The following SNTB1 variants were observed in gnomAD, a reference collection of about 807,000 sequenced individuals.
SNTB1 encodes syntrophin beta 1, also known as beta-1-syntrophin.
Under a neutral mutation model 48.9 loss-of-function variants are expected in SNTB1, and 36 were observed. That is an observed-to-expected ratio of 0.74 (90% confidence interval 0.56 to 0.97). SNTB1 has a LOEUF of 0.97. SNTB1 is among the 50% of genes least tolerant of loss of function. The pLI is 0.00. For missense variants in SNTB1, 786 were observed against 703.4 expected (o/e 1.12, Z -1.33); for synonymous variants, 299 against 294.6 (o/e 1.01, Z -0.15).
chr8:120,748,142 G>T (rs1185817044), intron 1 of SNTB1, among the ~76,000 whole-genome samples: 1 of 152,076 alleles, frequency 6.6e-6, no homozygotes, highest in East Asian at 1.9e-4. Context: ...GTGCAACCAG[G>T]CATCCTCTCA....
chr8:120,740,519 A>C (rs1181926322), intron 1 of SNTB1, among the ~76,000 whole-genome samples: 1 of 152,206 alleles, frequency 6.6e-6, no homozygotes, highest in African/African-American at 2.4e-5. Flanking sequence ...TACAGCAAAC[A>C]ATCAACACAA....
In SNTB1 at chr8:120,693,753, T is replaced by C. The variant is rs76071365; in HGVS notation, c.727A>G (p.Ser243Gly). The C allele has an allele frequency of 2.2e-5, 36 of 1,613,474 alleles. No individual in the cohort carries two copies. The East Asian group carries it at 8.0e-4, about 36-fold the overall frequency. ...ACGTAGCACATTTTGAGGGGGATGC[T>C]TTTCCGGTCTCTGTGGAAGGAGAAG... ...QSFSFHRDRK[S>G]IPLKMCYVTR... The change falls in exon 2 of 7, where the codon AGC (serine) becomes GGC (glycine). Residue 243 changes from serine to glycine, a missense_variant. By Grantham distance (56) the Ser-to-Gly change is moderately conservative. Transcript: ENST00000517992.
In SNTB1 at chr8:120,575,119, C is replaced by G. The variant is rs145253773; in HGVS notation, c.1103G>C (p.Ser368Thr). 6.1e-5 allele frequency: 99 copies of G among 1,614,048 alleles called. No individual in the cohort carries two copies. Among genetic ancestry groups the G allele is most frequent in the Non-Finnish European group, 8.1e-5 (95 of 1,180,026 alleles). ...AAGAAGAGGGTATGTGTGAACTGGG[C>G]TGAACCAGGCTTCCTTCCTCCGTGG... ...SMPRRKEAWF[S>T]PVHTYPLLAT... is the part of the protein sequence containing the mutation. Residue 368 changes from serine (S) to threonine (T), a missense_variant, in exon 4 of 7, where the codon AGC becomes ACC. Ser to Thr is a moderately conservative substitution (Grantham distance 58). Transcript: ENST00000517992.
In SNTB1 at chr8:120,649,730, T is replaced by A. The variant is rs918639174; in HGVS notation, c.789-17079A>T. 6.0e-4 allele frequency among the ~76,000 whole-genome samples: 91 copies of A among 152,250 alleles called. 1 individual carries two copies. Among genetic ancestry groups the A allele is most frequent in the African/African-American group, 2.2e-3 (90 of 41,550 alleles). On this transcript the variant is annotated intron_variant, in intron 2 of 6. Coordinates refer to ENST00000517992, the MANE Select transcript of SNTB1 (RefSeq NM_021021.4). ...CTTCCCGGCTGCTTTGTTTACCTAA[T>A]GAAGCCTGGGCAATGGCGGGCGCCC...
rs368554780 is a variant in SNTB1 at position 120,608,231 on chromosome 8, C to T, written c.996+24213G>A. On this transcript the variant is annotated intron_variant, in intron 3 of 6. Transcript: ENST00000517992. ...TCAAATTGCAAAAGATAAAAATTCT[C>T]CATGAGAACTAGTTAATGAACACAT... Among the ~76,000 whole-genome samples the T allele has an allele frequency of 1.7e-4, 26 of 152,206 alleles. 1 individual carries two copies. The South Asian group carries it at 5.2e-3, about 30-fold the overall frequency.
At position 120,538,637 on chromosome 8, in the gene SNTB1, T is replaced by C; in HGVS notation, c.*240A>G. On this transcript the variant is annotated 3_prime_UTR_variant, in exon 7 of 7. Coordinates refer to ENST00000517992, the MANE Select transcript of SNTB1 (RefSeq NM_021021.4). ...TGTATTTCCCGTCACCTCACCTCTT[T>C]AACCTTGTACTGTTCTAGAAAGTTT... 1.7e-6 allele frequency: 1 copy of C among 585,176 alleles called. No individual in the cohort carries two copies. The highest frequency in any genetic ancestry group is 3.2e-6 in the Non-Finnish European group (1 of 309,028). 36.2% of individuals were successfully genotyped at this position (585,176 alleles called of 1,614,324 possible).
At chr8:120,632,744 C>A in intron 2 of SNTB1, 93 bp from the exon 3 acceptor site, 2 of 1,040,208 alleles carry the variant, frequency 1.9e-6, no homozygotes, top group South Asian at 1.4e-5. Flanking sequence ...TTCTTTACTC[C>A]TTCTTTTAGA....
intron 1 of SNTB1, among the ~76,000 whole-genome samples, chr8:120,774,051 G>A (rs929202238): frequency 1.2e-4 from 18 of 152,224 alleles, no homozygotes; most frequent in African/African-American, 4.1e-4. Context: ...CATTCAGAGT[G>A]GAACAGGTTC....
chr8:120,714,472 T>C (rs12235050), intron 1 of SNTB1, among the ~76,000 whole-genome samples: 11,357 of 151,986 alleles, frequency 0.075, 419 homozygotes, highest in Admixed American at 0.1. Flanking sequence ...ATCATGGAGA[T>C]ATATAAAGTC....
intron 1 of SNTB1, among the ~76,000 whole-genome samples, chr8:120,787,809 G>T (rs10099796): frequency 1.3e-4 from 20 of 152,256 alleles, no homozygotes; most frequent in African/African-American, 3.9e-4. Flanking sequence ...CCTATTTGAG[G>T]GAATGATGAA....
At chr8:120,652,188 A>G (rs1314569119) in intron 2 of SNTB1, among the ~76,000 whole-genome samples, 3 of 152,100 alleles carry the variant, frequency 2.0e-5, no homozygotes, top group African/African-American at 7.2e-5. Context: ...CTTCTTATGG[A>G]TATCTGTTGT....
chr8:120,553,535 C>T (rs961072499), intron 4 of SNTB1, among the ~76,000 whole-genome samples: 4 of 152,078 alleles, frequency 2.6e-5, no homozygotes, highest in Admixed American at 6.5e-5. Flanking sequence ...GCATTACACA[C>T]CTTGAAATTA....
chr8:120,572,375 C>A (rs1815870060), intron 4 of SNTB1, among the ~76,000 whole-genome samples: 1 of 152,106 alleles, frequency 6.6e-6, no homozygotes, highest in Admixed American at 6.6e-5. Context: ...CCAGGAAGGA[C>A]ACAAATATGA....
chr8:120,675,055 G>A (rs1435069622), intron 2 of SNTB1, among the ~76,000 whole-genome samples: 1 of 152,140 alleles, frequency 6.6e-6, no homozygotes, highest in Non-Finnish European at 1.5e-5. Flanking sequence ...AATAGTAAAG[G>A]TCTCTAAAAG....
In SNTB1 at chr8:120,811,499, C is replaced by T; in HGVS notation, c.345G>A (p.Val115=). Residue 115 remains valine (V), a synonymous_variant, in exon 1 of 7, where the codon GTG becomes GTA. Coordinates refer to ENST00000517992, the MANE Select transcript of SNTB1 (RefSeq NM_021021.4). ...CCAGCCCGCCCAGCTCCTGCTTCAGCACCTTCACGCCACGCTTCTGGTTCG... is the reference window on the plus strand; with the variant it reads ...CCAGCCCGCCCAGCTCCTGCTTCAGTACCTTCACGCCACGCTTCTGGTTCG... ...SISNQKRGVK[V]LKQELGGLGI... is the part of the protein sequence containing the mutation. The T allele has an allele frequency of 1.2e-6, 2 of 1,613,780 alleles. No homozygotes were observed. The highest frequency in any genetic ancestry group is 2.7e-5 in the African/African-American group (2 of 75,040).
chr8:120,811,764 T>C lies in SNTB1; in HGVS notation c.80A>G (p.Glu27Gly), dbSNP rs1329217334. The C allele has an allele frequency of 2.0e-6, 3 of 1,532,742 alleles. No individual in the cohort carries two copies. The highest frequency in any genetic ancestry group is 2.0e-5 in the Admixed American group (1 of 49,448). 94.9% of individuals were successfully genotyped at this position (1,532,742 alleles called of 1,614,324 possible). ...GGRAQRSGLLEVLVRDRWHKV... is the reference protein window; with the variant it reads ...GGRAQRSGLLGVLVRDRWHKV... ...GTGCCAGCGATCCCGCACCAAAACT[T>C]CCAGCAGCCCGCTCCGCTGCGCCCG... Residue 27 changes from glutamate (E) to glycine (G), a missense_variant, in exon 1 of 7, where the codon GAA becomes GGA. Coordinates refer to ENST00000517992, the MANE Select transcript of SNTB1 (RefSeq NM_021021.4).
At chr8:120,743,743 G>A (rs1442525463) in intron 1 of SNTB1, among the ~76,000 whole-genome samples, 1 of 152,190 alleles carries the variant, frequency 6.6e-6, no homozygotes, top group Non-Finnish European at 1.5e-5. Context: ...GCCAAAATCT[G>A]TTCCTAAACT....
intron 1 of SNTB1, among the ~76,000 whole-genome samples, chr8:120,722,859 A>G (rs958670296): frequency 1.3e-5 from 2 of 151,902 alleles, no homozygotes; most frequent in African/African-American, 2.4e-5. Context: ...TTTCTTCTAG[A>G]GTTTTTATGG....
chr8:120,693,558 C>T, intron 2 of SNTB1, 134 bp downstream of exon 2: 1 of 738,314 alleles, frequency 1.4e-6, no homozygotes, highest in African/African-American at 1.8e-5. Context: ...CAATTCTCAG[C>T]ATGGCCCTTT....
Sources: allele counts gnomAD v4.1 joint callset (sites outside exome capture counted in the v4.1 genomes callset), GRCh38; gene constraint gnomAD v4.1.1; transcripts MANE v1.5; gene names NCBI Gene and HGNC (gene_info 2026-07-23, HGNC 2026-07-21).